EXOC6B: variants seen among roughly 807,000 people sequenced by gnomAD.
EXOC6B encodes SEC15 homolog B.
A neutral mutation model predicts 113.5 loss-of-function variants in EXOC6B; 54 were observed. That is an observed-to-expected ratio of 0.48 (90% CI 0.38 to 0.60). The LOEUF is 0.60. Among genes scored for constraint, EXOC6B ranks in the 20% least tolerant of loss-of-function variants. EXOC6B has a pLI of 0.00. For synonymous variants in EXOC6B, 357 were observed against 339.0 expected (o/e 1.05, Z -0.58); for missense variants, 797 against 977.5 (o/e 0.82, Z 2.46).
intron 6 of EXOC6B, among the ~76,000 whole-genome samples, chr2:72,694,504 TC>T (rs1677724998): frequency 6.6e-6 from 1 of 152,168 alleles, no homozygotes; most frequent in South Asian, 2.1e-4. Context: ...GACTCACAAA[TC>T]TAGTTTCAGA....
intron 18 of EXOC6B, among the ~76,000 whole-genome samples, chr2:72,401,503 A>G (rs1358518231): frequency 1.4e-4 from 8 of 58,162 alleles, no homozygotes; most frequent in Non-Finnish European, 2.1e-4. Flanking sequence ...ACATATATAT[A>G]TATATATATA....
intron 1 of EXOC6B, among the ~76,000 whole-genome samples, chr2:72,742,939 A>G (rs886850307): frequency 3.3e-5 from 5 of 152,036 alleles, no homozygotes; most frequent in African/African-American, 9.7e-5. Flanking sequence ...TTTAACGTAG[A>G]AAAAAAAGTA....
At chr2:72,551,907 A>G (rs1467219793) in intron 8 of EXOC6B, among the ~76,000 whole-genome samples, 5 of 152,202 alleles carry the variant, frequency 3.3e-5, no homozygotes, top group African/African-American at 7.2e-5. Context: ...TAATGTAATC[A>G]TATTAAAGCA....
At chr2:72,397,661 T>TAAAATAAA (rs1558625759) in intron 18 of EXOC6B, among the ~76,000 whole-genome samples, 13 of 102,082 alleles carry the variant, frequency 1.3e-4, no homozygotes, top group African/African-American at 1.1e-3. Flanking sequence ...AAAATAAAAT[T>TAAAATAAA]ATATATATAT....
intron 6 of EXOC6B, among the ~76,000 whole-genome samples, chr2:72,611,786 G>A (rs1319768942): frequency 6.6e-6 from 1 of 151,996 alleles, no homozygotes; most frequent in African/African-American, 2.4e-5. Flanking sequence ...CTACATCATG[G>A]GACATAGTTC....
intron 6 of EXOC6B, among the ~76,000 whole-genome samples, chr2:72,676,151 G>A (rs1676293972): frequency 6.6e-6 from 1 of 150,560 alleles, no homozygotes; most frequent in East Asian, 1.9e-4. Context: ...AGAAGAAGAA[G>A]AAGAAGGTTT....
intron 18 of EXOC6B, among the ~76,000 whole-genome samples, chr2:72,439,161 A>G (rs143660621): frequency 2.7e-4 from 41 of 152,346 alleles, no homozygotes; most frequent in African/African-American, 8.9e-4. Context: ...GTAAAGCAAC[A>G]TAGAACAGTT....
At chr2:72,446,886 G>A (rs1036820567) in intron 18 of EXOC6B, among the ~76,000 whole-genome samples, 3 of 152,206 alleles carry the variant, frequency 2.0e-5, no homozygotes, top group Non-Finnish European at 4.4e-5. Context: ...CAGATCATGA[G>A]GTCAGGAGAT....
chr2:72,253,117 T>C (rs62147626), intron 20 of EXOC6B, among the ~76,000 whole-genome samples: 18,207 of 152,198 alleles, frequency 0.12, 1,340 homozygotes, highest in Admixed American at 0.16. Context: ...TCACTAATCA[T>C]TTGAGGAATG....
chr2:72,699,477 CAAAAA>C (rs59106937), intron 6 of EXOC6B, among the ~76,000 whole-genome samples: 2 of 62,850 alleles, frequency 3.2e-5, no homozygotes, highest in South Asian at 5.0e-4. Context: ...GACTCCGTCT[CAAAAA>C]AAAAAAAAAA....
chr2:72,438,310 G>GAA (rs775849981), intron 18 of EXOC6B, among the ~76,000 whole-genome samples: 5 of 138,852 alleles, frequency 3.6e-5, no homozygotes, highest in Non-Finnish European at 3.2e-5. Flanking sequence ...AATCTTTGTG[G>GAA]AAAAAAAAAA....
intron 20 of EXOC6B, among the ~76,000 whole-genome samples, chr2:72,280,134 T>A (rs1240697722): frequency 6.6e-6 from 1 of 152,138 alleles, no homozygotes; most frequent in Admixed American, 6.5e-5. Context: ...CTTCTGGTCT[T>A]CATTAATTTT....
chr2:72,586,612 C>T (rs1021426928), intron 6 of EXOC6B, among the ~76,000 whole-genome samples: 1 of 151,922 alleles, frequency 6.6e-6, no homozygotes, highest in Non-Finnish European at 1.5e-5. Flanking sequence ...ATTTGCTGGG[C>T]GTGGTGGCAC....
At position 72,496,445 on chromosome 2, in the gene EXOC6B, A is replaced by G. The variant is rs370902491; in HGVS notation, c.1443+9T>C. On this transcript the variant is annotated intron_variant, in intron 14 of 21. Coordinates refer to ENST00000272427, the MANE Select transcript of EXOC6B (RefSeq NM_015189.3). ...CAACCAGAGAAATTTATTTTAAAGT[A>G]TTCCTTACCTTTTCCAGTTCTATAT... The G allele has an allele frequency of 1.4e-5, 22 of 1,525,774 alleles. No homozygotes were observed. The highest frequency in any genetic ancestry group is 2.0e-5 in the Non-Finnish European group (22 of 1,111,424). 94.5% of individuals were successfully genotyped at this position (1,525,774 alleles called of 1,614,324 possible). A position where few individuals can be genotyped will look rare whatever the true frequency, so the allele number is the denominator to read the frequency against.
At chr2:72,604,334 T>C (rs1410801195) in intron 6 of EXOC6B, among the ~76,000 whole-genome samples, 4 of 152,234 alleles carry the variant, frequency 2.6e-5, no homozygotes, top group East Asian at 1.9e-4. Flanking sequence ...AAGATAACTT[T>C]GAAATTTTTA....
chr2:72,775,878 C>A (rs748508437), intron 1 of EXOC6B, among the ~76,000 whole-genome samples: 9 of 152,014 alleles, frequency 5.9e-5, no homozygotes, highest in Non-Finnish European at 1.2e-4. Context: ...TTGTACAGGA[C>A]TAAATATATA....
At chr2:72,596,716 A>G (rs143107140) in intron 6 of EXOC6B, among the ~76,000 whole-genome samples, 1 of 152,106 alleles carries the variant, frequency 6.6e-6, no homozygotes, top group Non-Finnish European at 1.5e-5. Flanking sequence ...CTCCAACCCC[A>G]AAAACCTTAC....
chr2:72,609,660 A>G (rs929174908), intron 6 of EXOC6B, among the ~76,000 whole-genome samples: 3 of 152,082 alleles, frequency 2.0e-5, no homozygotes, highest in African/African-American at 7.2e-5. Context: ...TCCCAGAAGG[A>G]AAAGAACAAA....
chr2:72,183,814 A>G (rs1678245187), intron 21 of EXOC6B, among the ~76,000 whole-genome samples: 1 of 151,842 alleles, frequency 6.6e-6, no homozygotes, highest in Admixed American at 6.6e-5. Context: ...GAGACCCATT[A>G]AACTAGAAGG....
Sources: gnomAD v4.1 joint callset for allele counts (sites outside exome capture counted in the v4.1 genomes callset) on GRCh38, gnomAD v4.1.1 for gene constraint, MANE v1.5 for transcripts, NCBI Gene and HGNC (gene_info 2026-07-23, HGNC 2026-07-21) for gene names.